Variants in CXADR observed in about 807,000 individuals in gnomAD.
CXADR encodes the protein CXADR cell adhesion molecule.
In CXADR, 20 loss-of-function variants were observed where a neutral mutation model predicts 40.3. The observed-to-expected ratio is 0.50, with a 90% CI of 0.35 to 0.72. The LOEUF is 0.72. Ranked by LOEUF, CXADR falls within the 30% of genes least tolerant of loss-of-function variation. The probability of loss-of-function intolerance (pLI) is 0.01; values close to 1 mark genes in which losing one functional copy is unlikely to be tolerated. For synonymous variants in CXADR, 150 were observed against 161.3 expected, an observed-to-expected ratio of 0.93 and a Z score of 0.53; for missense variants, 332 against 449.1, an observed-to-expected ratio of 0.74 and a Z score of 2.36.
Position 17,567,419 on chromosome 21 carries a change from T to C in CXADR, c.*1727T>C. On this transcript the variant is annotated 3_prime_UTR_variant, in exon 7 of 7. Coordinates refer to ENST00000284878, the MANE Select transcript of CXADR (RefSeq NM_001338.5). ...TAACATTTTCATCTGTGCCTTTTGG[T>C]AATTTAATTTCTATTATGAATTTCT... 1 of 985,160 alleles carries C rather than the reference T, an allele frequency of 1.0e-6. No individual in the cohort carries two copies. The highest frequency in any genetic ancestry group is 1.1e-4 in the East Asian group (1 of 8,816). 61.0% of individuals were successfully genotyped at this position (985,160 alleles called of 1,614,324 possible). A position where few individuals can be genotyped will look rare whatever the true frequency, so the allele number is the denominator to read the frequency against.
At chr21:17,586,915 T>C (rs532202008) in intron 7 of CXADR, among the ~76,000 whole-genome samples, 104 of 151,928 alleles carry the variant, frequency 6.8e-4, no homozygotes, top group Non-Finnish European at 1.3e-3. Flanking sequence ...CAGTCCCTGG[T>C]GTGTGATGTT....
chr21:17,629,596 A>T, the CXADR span, among the ~76,000 whole-genome samples: 1 of 151,950 alleles, frequency 6.6e-6, no homozygotes, highest in South Asian at 2.1e-4. Context: ...ACCCAAAAAG[A>T]AGCAAAAAAC....
chr21:17,594,187 G>A (rs1302907054), downstream of CXADR: 1 of 1,613,238 alleles, frequency 6.2e-7, no homozygotes, highest in East Asian at 2.2e-5. Flanking sequence ...TGGGCGATAT[G>A]GTTTATTTTT....
At chr21:17,598,909 T>C in the CXADR span, 24 of 1,029,906 alleles carry the variant, frequency 2.3e-5, no homozygotes, top group Admixed American at 6.0e-4. Context: ...GATCTGGACA[T>C]GCCATCAATA....
chr21:17,528,771 C>T (rs896428320), intron 1 of CXADR, among the ~76,000 whole-genome samples: 1 of 152,130 alleles, frequency 6.6e-6, no homozygotes, highest in African/African-American at 2.4e-5. Context: ...TATCATGCCT[C>T]CCAGCTTTCT....
At chr21:17,518,950 A>T in intron 1 of CXADR, 1 of 1,608,538 alleles carries the variant, frequency 6.2e-7, no homozygotes, top group Non-Finnish European at 8.5e-7. Flanking sequence ...CTTGCCCCCT[A>T]TCCGGACCTG....
rs548986919 is a variant in CXADR, at chr21:17,569,054, AC to A, written c.*3364del. The A allele has an allele frequency of 3.1e-4, 303 of 985,414 alleles. 1 individual carries two copies. The African/African-American group carries it at 5.0e-3, about 16-fold the overall frequency. The allele number at this position is 985,414 out of a possible 1,614,324, so 61.0% of individuals were successfully genotyped here. A position where few individuals can be genotyped will look rare whatever the true frequency, so the allele number is the denominator to read the frequency against. On this transcript the variant is annotated 3_prime_UTR_variant, in exon 7 of 7. Transcript: ENST00000284878. ...TTGGAACAAGTAAAGGGGCAAGTAAACCTTTTGATGAAATATAAAAGGAACT... is the reference window on the plus strand; with the variant it reads ...TTGGAACAAGTAAAGGGGCAAGTAAACTTTTGATGAAATATAAAAGGAACT...
intron 1 of CXADR, among the ~76,000 whole-genome samples, chr21:17,536,835 C>T (rs1215054758): frequency 6.6e-6 from 1 of 152,120 alleles, no homozygotes; most frequent in East Asian, 1.9e-4. Context: ...CAGCTCACTG[C>T]AACCTCTGCC....
At chr21:17,598,905 G>C in the CXADR span, 2 of 1,089,330 alleles carry the variant, frequency 1.8e-6, no homozygotes, top group Non-Finnish European at 1.3e-6. Flanking sequence ...AAGAGATCTG[G>C]ACATGCCATC....
At chr21:17,600,297 A>G in the CXADR span, among the ~76,000 whole-genome samples, 11 of 152,310 alleles carry the variant, frequency 7.2e-5, no homozygotes, top group South Asian at 1.9e-3. Flanking sequence ...GACAAAGGAT[A>G]TTGTTAAGCG....
chr21:17,565,480 G>A lies in CXADR; in HGVS notation c.886G>A (p.Gly296Ser), dbSNP rs372559893. ...TACGTCCACTGCCAGAAGCTACATC[G>A]GCAGTAATCATTCATCCCTGGGGTC... ...SRTSTARSYIGSNHSSLGSMS... is the reference protein window; with the variant it reads ...SRTSTARSYISSNHSSLGSMS... Residue 296 changes from glycine (G) to serine (S), a missense_variant, in exon 7 of 7, where the codon GGC (glycine) becomes AGC (serine). Physicochemically the swap from Gly to Ser is moderately conservative, Grantham distance 56 (BLOSUM62 0). Transcript: ENST00000284878. The A allele has an allele frequency of 4.4e-5, 71 of 1,613,754 alleles. No homozygotes were observed. In the South Asian group the frequency reaches 5.9e-4, roughly 13 times the overall value.
At chr21:17,537,616 T>TA (rs1401800044) in intron 1 of CXADR, among the ~76,000 whole-genome samples, 5 of 152,200 alleles carry the variant, frequency 3.3e-5, no homozygotes, top group Admixed American at 3.3e-4. Context: ...GATCAGGGTT[T>TA]ACATCTAGTA....
Position 17,575,238 on chromosome 21 carries a change from G to A in CXADR, c.1017+9627G>A, listed in dbSNP as rs1009058326. 3.3e-5 allele frequency among the ~76,000 whole-genome samples: 5 copies of A among 152,168 alleles called. No individual in the cohort carries two copies. In the East Asian group the frequency reaches 9.7e-4, roughly 29 times the overall value. On this transcript the variant is annotated intron_variant, in intron 7 of 7. Transcript: ENST00000400169. ...CTTGCTCTATTGCCCAGGTCGGAGTGCAGTGGTGCGATTATAGCTCACTGC... is the reference window on the plus strand; with the variant it reads ...CTTGCTCTATTGCCCAGGTCGGAGTACAGTGGTGCGATTATAGCTCACTGC...
downstream of CXADR, chr21:17,593,914 A>T (rs936977210): frequency 5.1e-6 from 4 of 786,744 alleles, no homozygotes; most frequent in African/African-American, 7.1e-5. Flanking sequence ...AACTATATCA[A>T]TATCTAAAGT....
intron 1 of CXADR, among the ~76,000 whole-genome samples, chr21:17,538,827 G>A (rs1025490338): frequency 2.0e-5 from 3 of 151,958 alleles, no homozygotes; most frequent in Admixed American, 1.3e-4. Flanking sequence ...CAAAAAAATA[G>A]ATAAATAAAA....
downstream of CXADR, among the ~76,000 whole-genome samples, chr21:17,596,969 T>A (rs1051194904): frequency 2.6e-5 from 4 of 152,098 alleles, no homozygotes; most frequent in African/African-American, 7.2e-5. Flanking sequence ...AAAACTTTTT[T>A]AAAGCTTGTG....
At chr21:17,529,964 T>C (rs1013651633) in intron 1 of CXADR, among the ~76,000 whole-genome samples, 1 of 151,620 alleles carries the variant, frequency 6.6e-6, no homozygotes, top group Non-Finnish European at 1.5e-5. Flanking sequence ...TTTTTTTTAA[T>C]TTGAGATGGA....
intron 1 of CXADR, among the ~76,000 whole-genome samples, chr21:17,516,799 CTA>C (rs1023446968): frequency 2.3e-5 from 3 of 132,780 alleles, no homozygotes; most frequent in Admixed American, 8.5e-5. Flanking sequence ...TTGAAAATTG[CTA>C]TGAGTGGATT....
the CXADR span, among the ~76,000 whole-genome samples, chr21:17,606,531 A>C: frequency 6.6e-6 from 1 of 152,164 alleles, no homozygotes; most frequent in Admixed American, 6.5e-5. Flanking sequence ...AAAAGCAGTT[A>C]AGGATAAAAA....
Sources: gnomAD v4.1 joint callset for allele counts (sites outside exome capture counted in the v4.1 genomes callset) on GRCh38, gnomAD v4.1.1 for gene constraint, MANE v1.5 for transcripts, NCBI Gene and HGNC (gene_info 2026-07-23, HGNC 2026-07-21) for gene names.